Variants in ECE1 observed in about 807,000 individuals in gnomAD.
ECE1 encodes endothelin converting enzyme 1.
Under a neutral mutation model 98.6 loss-of-function variants are expected in ECE1, and 35 were observed. The observed-to-expected ratio is 0.35, with a 90% CI of 0.27 to 0.47. The LOEUF (loss-of-function observed/expected upper bound fraction) is 0.47. Among genes scored for constraint, ECE1 ranks in the 20% least tolerant of loss-of-function variants. The pLI is 1.00. For missense variants in ECE1, 814 were observed against 1,025.3 expected (o/e 0.79, Z 2.81); for synonymous variants, 394 against 407.1 (o/e 0.97, Z 0.39).
chr1:21,315,656 T>C (rs1013462031), intron 1 of ECE1, among the ~76,000 whole-genome samples: 7 of 151,852 alleles, frequency 4.6e-5, no homozygotes, highest in Non-Finnish European at 1.0e-4. Flanking sequence ...TAGACAGGTG[T>C]GGTAGCGCAT....
chr1:21,320,936 T>C (rs978871829), intron 1 of ECE1, among the ~76,000 whole-genome samples: 2 of 152,170 alleles, frequency 1.3e-5, no homozygotes, highest in Non-Finnish European at 2.9e-5. Flanking sequence ...TCTGAGCCTC[T>C]AGGATCCTGC....
intron 1 of ECE1, among the ~76,000 whole-genome samples, chr1:21,297,422 C>T (rs1469199516): frequency 6.6e-6 from 1 of 152,148 alleles, no homozygotes; most frequent in Non-Finnish European, 1.5e-5. Context: ...TCTGTCCCCT[C>T]GGCATGCCTT....
chr1:21,233,681 G>A lies in ECE1; in HGVS notation c.1567-20C>T. 6.2e-7 allele frequency: 1 copy of A among 1,607,462 alleles called. No homozygotes were observed. On this transcript the variant is annotated intron_variant, in intron 13 of 18. Coordinates refer to ENST00000374893, the MANE Select transcript of ECE1 (RefSeq NM_001397.3). This position sits in a 1 kb window ranked among gnomAD's most constrained non-coding sequence, Gnocchi z 4.0. Reference sequence around the variant, plus strand: ...AGTGTACTAGAAAAGAAGAAGTGGAGTCAATCACAGTGTGCCCTCGGTGGT... The same window carrying A: ...AGTGTACTAGAAAAGAAGAAGTGGAATCAATCACAGTGTGCCCTCGGTGGT...
At chr1:21,332,328 C>T (rs929067417) in intron 1 of ECE1, among the ~76,000 whole-genome samples, 4 of 151,988 alleles carry the variant, frequency 2.6e-5, no homozygotes, top group Admixed American at 6.6e-5. Flanking sequence ...TCCATCAGAA[C>T]CCTGCCTAGT....
intron 10 of ECE1, 28 bp from the exon 11 acceptor site, chr1:21,238,272 T>C (rs377276130): frequency 3.8e-6 from 6 of 1,564,022 alleles, no homozygotes; most frequent in Non-Finnish European, 5.3e-6. Context: ...GGGGGCTCGC[T>C]GGGCCCCAGC....
At position 21,345,496 on chromosome 1, in the gene ECE1, G is replaced by C. The variant is rs939342728; in HGVS notation, c.-118C>G. On this transcript the variant is annotated 5_prime_UTR_variant, in exon 1 of 19. Transcript: ENST00000415912. This position sits in a 1 kb window ranked among gnomAD's most constrained non-coding sequence, Gnocchi z 5.1. ...GACGGCTCGGCTGCCTGGCCCAGGC[G>C]GCGCGCTCAGCTCCAGCGGGCGAGC... is the stretch of plus-strand genomic sequence containing the variant. 27 of 1,000,836 alleles carry C rather than the reference G, an allele frequency of 2.7e-5. No homozygotes were observed. Among genetic ancestry groups the C allele is most frequent in the Non-Finnish European group, 3.3e-5 (26 of 787,084 alleles). 62.0% of individuals were successfully genotyped at this position (1,000,836 alleles called of 1,614,324 possible).
At chr1:21,306,575 A>AT (rs1459583048) in intron 1 of ECE1, among the ~76,000 whole-genome samples, 1 of 152,100 alleles carries the variant, frequency 6.6e-6, no homozygotes, top group Non-Finnish European at 1.5e-5. Context: ...ACCTCAGGTG[A>AT]TCTGCCCACC....
chr1:21,332,464 C>T (rs768662863), intron 1 of ECE1, among the ~76,000 whole-genome samples: 57 of 150,576 alleles, frequency 3.8e-4, no homozygotes, highest in Non-Finnish European at 8.0e-4. Flanking sequence ...TCCCATTTTA[C>T]TTATGCAGAA....
rs1473828191 is a variant in ECE1, at chr1:21,340,266, G to A, written c.3+5110C>T. On this transcript the variant is annotated intron_variant, in intron 1 of 18. Coordinates refer to the ECE1 transcript ENST00000415912. This position sits in a 1 kb window ranked among gnomAD's most constrained non-coding sequence, Gnocchi z 4.6. ...TATCTGCCTGAAAGGATGAGGGGAA[G>A]GGTCAATACATTCAGGAGAAGGGGC... Among the ~76,000 whole-genome samples, 1 of 152,260 alleles carries A rather than the reference G, an allele frequency of 6.6e-6. No homozygotes were observed. The highest frequency in any genetic ancestry group is 2.1e-4 in the South Asian group (1 of 4,834).
chr1:21,309,356 C>CCTCT (rs1638667319), intron 1 of ECE1, among the ~76,000 whole-genome samples: 1 of 152,226 alleles, frequency 6.6e-6, no homozygotes, highest in Admixed American at 6.5e-5. Flanking sequence ...CCTCTCTGTG[C>CCTCT]CTCTGTCTTC....
chr1:21,263,684 G>A (rs1388094885), intron 4 of ECE1, among the ~76,000 whole-genome samples: 4 of 151,946 alleles, frequency 2.6e-5, no homozygotes, highest in Admixed American at 6.6e-5. Flanking sequence ...AAAGGAAATC[G>A]GGCAGGTGGG....
chr1:21,264,594 C>T (rs1019609116), intron 4 of ECE1, among the ~76,000 whole-genome samples: 2 of 152,182 alleles, frequency 1.3e-5, no homozygotes, highest in African/African-American at 2.4e-5. Flanking sequence ...GGATTACAGG[C>T]GTCAGCCACC....
chr1:21,329,636 G>C (rs1265073131), intron 1 of ECE1, among the ~76,000 whole-genome samples: 2 of 152,146 alleles, frequency 1.3e-5, no homozygotes, highest in African/African-American at 4.8e-5. Flanking sequence ...CATGTGCTCG[G>C]GGCAAACAGT....
chr1:21,223,311 C>T (rs1386283133), intron 17 of ECE1, among the ~76,000 whole-genome samples: 1 of 150,038 alleles, frequency 6.7e-6, no homozygotes, highest in Non-Finnish European at 1.5e-5. Context: ...TTTTTTGAAA[C>T]AGAGTCTCGC....
At chr1:21,291,835 A>AAACC (rs1250218288), upstream of ECE1, among the ~76,000 whole-genome samples, 1 of 151,892 alleles carries the variant, frequency 6.6e-6, no homozygotes, top group African/African-American at 2.4e-5. Context: ...TCAAACAAAC[A>AAACC]AACCACAGAA....
intron 12 of ECE1, 27 bp downstream of exon 12, chr1:21,236,719 C>T: frequency 1.2e-6 from 2 of 1,608,224 alleles, no homozygotes; most frequent in Non-Finnish European, 8.5e-7. Context: ...GCCGCAGCAC[C>T]CCCTCCAAGT....
chr1:21,296,287 T>C (rs753957273), intron 1 of ECE1, among the ~76,000 whole-genome samples: 2 of 152,020 alleles, frequency 1.3e-5, no homozygotes, highest in African/African-American at 2.4e-5. Flanking sequence ...GGTGGGCAGA[T>C]TGCTTGAGCC....
Position 21,253,709 on chromosome 1 carries a change from G to A in ECE1, c.1020+2238C>T, listed in dbSNP as rs188576342. Among the ~76,000 whole-genome samples the A allele has an allele frequency of 5.8e-4, 87 of 148,754 alleles. 1 individual carries two copies. Among genetic ancestry groups the A allele is most frequent in the African/African-American group, 1.9e-3 (78 of 40,130 alleles). On this transcript the variant is annotated intron_variant, in intron 8 of 18. Transcript: ENST00000374893. ...ACCCAGGAGGTGGAGCTTGCAGAGA[G>A]CCGAGATGGCGCCACTGCACTCCAG... is the stretch of plus-strand genomic sequence containing the variant.
chr1:21,333,252 G>C (rs962121773), intron 1 of ECE1, among the ~76,000 whole-genome samples: 1 of 151,766 alleles, frequency 6.6e-6, no homozygotes, highest in Non-Finnish European at 1.5e-5. Flanking sequence ...TTTTTCACCC[G>C]GGACCTGCAC....
Sources: gnomAD v4.1 joint callset for allele counts (sites outside exome capture counted in the v4.1 genomes callset) on GRCh38, gnomAD v4.1.1 for gene constraint, Gnocchi (gnomAD v3.1) non-coding constraint, MANE v1.5 for transcripts, NCBI Gene and HGNC (gene_info 2026-07-23, HGNC 2026-07-21) for gene names.